Variants in AGXT2 observed in about 807,000 individuals in gnomAD.
AGXT2 encodes alanine--glyoxylate aminotransferase 2, mitochondrial.
A neutral mutation model predicts 62.5 loss-of-function variants in AGXT2; 61 were observed. That is an observed-to-expected ratio of 0.98 (90% confidence interval 0.79 to 1.21). The LOEUF is 1.21. AGXT2 is among the 50% of genes most tolerant of loss of function. The pLI is 0.00. For missense variants in AGXT2, 666 were observed against 641.5 expected, an observed-to-expected ratio of 1.04 and a Z score of -0.41; for synonymous variants, 243 against 218.7, an observed-to-expected ratio of 1.11 and a Z score of -0.98.
chr5:35,010,189 GT>G, intron 11 of AGXT2, 40 bp from the exon 12 acceptor site: 1 of 1,613,292 alleles, frequency 6.2e-7, no homozygotes. Context: ...CATGGCAGAA[GT>G]TCTAAGATTG....
chr5:35,041,223 C>CAAAA lies in AGXT2; in HGVS notation c.89-564_89-561dup, dbSNP rs3034208. Among the ~76,000 whole-genome samples the CAAAA allele has an allele frequency of 8.6e-3, 441 of 51,388 alleles. 25 individuals carry two copies. The highest frequency in any genetic ancestry group is 0.038 in the African/African-American group (417 of 11,102). 33.7% of individuals were successfully genotyped at this position (51,388 alleles called of 152,430 possible). On this transcript the variant is annotated intron_variant, in intron 1 of 13. Transcript: ENST00000231420. ...CCCAGAAGACAAAACCTCCCCCCGCCAAAAAAAAAAAAAAAAAAAGGCTGC... is the reference window on the plus strand; with the variant it reads ...CCCAGAAGACAAAACCTCCCCCCGCCAAAAAAAAAAAAAAAAAAAAAAAGGCTGC...
intron 10 of AGXT2, 45 bp downstream of exon 10, chr5:35,013,942 A>G (rs1335331079): frequency 3.1e-6 from 5 of 1,613,456 alleles, no homozygotes; most frequent in African/African-American, 2.7e-5. Flanking sequence ...CCATAGCCCA[A>G]TGTACGAGGC....
At position 35,006,568 on chromosome 5, in the gene AGXT2, C is replaced by T. The variant is rs375864104; in HGVS notation, c.1339-2707G>A. On this transcript the variant is annotated intron_variant, in intron 12 of 13. Transcript: ENST00000231420. ...AGATCTCAGATGAAGTCACTCGTCA[C>T]CAAGCCATTGATGAGGAATCCGCCC... Among the ~76,000 whole-genome samples, 31 of 152,210 alleles carry T rather than the reference C, an allele frequency of 2.0e-4. 1 individual carries two copies. In the South Asian group the frequency reaches 5.8e-3, roughly 28 times the overall value.
chr5:35,042,113 G>C (rs1768012204), intron 1 of AGXT2, among the ~76,000 whole-genome samples: 3 of 152,156 alleles, frequency 2.0e-5, no homozygotes, highest in Admixed American at 1.3e-4. Context: ...CAAAATTGGA[G>C]TTGCCCATTG....
At position 35,041,074 on chromosome 5, in the gene AGXT2, C is replaced by T. The variant is rs576890202; in HGVS notation, c.89-411G>A. On this transcript the variant is annotated intron_variant, in intron 1 of 13. Coordinates refer to ENST00000231420, the MANE Select transcript of AGXT2 (RefSeq NM_031900.4). ...TAGTGCCTGAATTCTAGTGTGTAGC[C>T]AGTGCCTGGTACCTGGTTAGCTCTC... Among the ~76,000 whole-genome samples, 3 of 151,954 alleles carry T rather than the reference C, an allele frequency of 2.0e-5. No individual in the cohort carries two copies. In the South Asian group the frequency reaches 6.2e-4, roughly 32 times the overall value.
rs138526600 is a variant in AGXT2 at position 35,039,338 on chromosome 5, A to T, written c.348T>A (p.Val116=). The change falls in exon 3 of 14, where the codon GTT becomes GTA. Residue 116 remains valine, a synonymous_variant. Coordinates refer to ENST00000231420, the MANE Select transcript of AGXT2 (RefSeq NM_031900.4). ...AGGATACTCACGGGTGGCAATGGCC[A>T]ACACTGACAGTAACAATCCCGGAAA... ...DFFSGIVTVS[V]GHCHPKVNAV... The T allele has an allele frequency of 4.9e-3, 7,919 of 1,614,092 alleles. 35 individuals carry two copies. Among genetic ancestry groups the T allele is most frequent in the Non-Finnish European group, 5.8e-3 (6,895 of 1,179,936 alleles).
chr5:35,027,629 C>T (rs372150302), intron 7 of AGXT2, among the ~76,000 whole-genome samples: 6 of 151,460 alleles, frequency 4.0e-5, no homozygotes, highest in Admixed American at 3.3e-4. Context: ...TTCTTGATTG[C>T]GGAGTTTTGT....
At chr5:35,022,823 A>G (rs1767164353) in intron 9 of AGXT2, among the ~76,000 whole-genome samples, 1 of 151,696 alleles carries the variant, frequency 6.6e-6, no homozygotes, top group South Asian at 2.1e-4. Context: ...ATATGCTATA[A>G]TATTAACCAA....
chr5:35,002,266 G>A (rs1297798741), intron 13 of AGXT2, among the ~76,000 whole-genome samples: 2 of 152,278 alleles, frequency 1.3e-5, no homozygotes, highest in Non-Finnish European at 2.9e-5. Flanking sequence ...TTGTTGTTTG[G>A]GCTGGGAGAA....
chr5:34,999,510 G>A (rs1254052498), intron 13 of AGXT2, among the ~76,000 whole-genome samples: 1 of 152,090 alleles, frequency 6.6e-6, no homozygotes, highest in Non-Finnish European at 1.5e-5. Flanking sequence ...TTTATTGAAT[G>A]GCTTTTTTCT....
chr5:35,040,826 A>G (rs1031123496), intron 1 of AGXT2, among the ~76,000 whole-genome samples, 163 bp from the exon 2 acceptor site: 17 of 152,228 alleles, frequency 1.1e-4, no homozygotes, highest in Non-Finnish European at 2.5e-4. Context: ...GAGTATCTCA[A>G]TAATGAGTTT....
At chr5:35,040,456 G>T in intron 2 of AGXT2, 119 bp downstream of exon 2, 2 of 900,574 alleles carry the variant, frequency 2.2e-6, no homozygotes, top group Non-Finnish European at 1.8e-6. Flanking sequence ...TACAATATCT[G>T]GAATGAGGTA....
At chr5:35,010,233 C>A in intron 11 of AGXT2, 84 bp from the exon 12 acceptor site, 2 of 1,540,602 alleles carry the variant, frequency 1.3e-6, no homozygotes, top group South Asian at 1.1e-5. Flanking sequence ...TTTGACATGG[C>A]CCTCTTGTAA....
chr5:35,029,200 C>T (rs1767474545), intron 7 of AGXT2, among the ~76,000 whole-genome samples: 2 of 152,116 alleles, frequency 1.3e-5, no homozygotes, highest in Non-Finnish European at 2.9e-5. Context: ...ATCTATGCCT[C>T]TAGAGACAGA....
intron 2 of AGXT2, among the ~76,000 whole-genome samples, 186 bp from the exon 3 acceptor site, chr5:35,039,694 G>GTGAA (rs1767910185): frequency 6.6e-6 from 1 of 152,198 alleles, no homozygotes; most frequent in African/African-American, 2.4e-5. Context: ...TCTTAAGGAG[G>GTGAA]TGAATTATTA....
intron 7 of AGXT2, among the ~76,000 whole-genome samples, chr5:35,030,181 CATAA>C (rs1183763826): frequency 6.6e-6 from 1 of 152,120 alleles, no homozygotes; most frequent in African/African-American, 2.4e-5. Flanking sequence ...TCAAAGATTC[CATAA>C]ATAGTCTTGT....
At chr5:35,005,216 T>C (rs531168875) in intron 12 of AGXT2, among the ~76,000 whole-genome samples, 40 of 152,194 alleles carry the variant, frequency 2.6e-4, no homozygotes, top group Non-Finnish European at 4.6e-4. Flanking sequence ...GGGTCAGTTC[T>C]TTTGTTGTTG....
Position 34,998,772 on chromosome 5 carries a change from C to G in AGXT2, c.1492G>C (p.Val498Leu). 6.2e-7 allele frequency: 1 copy of G among 1,613,864 alleles called. No individual in the cohort carries two copies. Among genetic ancestry groups the G allele is most frequent in the Non-Finnish European group, 8.5e-7 (1 of 1,179,944 alleles). The change falls in exon 14 of 14, where the codon GTA becomes CTA. Residue 498 changes from valine (V) to leucine (L), a missense_variant. By Grantham distance (32) the Val-to-Leu change is conservative. Coordinates refer to ENST00000231420, the MANE Select transcript of AGXT2 (RefSeq NM_031900.4). Reference sequence around the variant, plus strand: ...GTTAAGGCAGAACGAAATACTTCTACTGCAAAATCAACTTCTGGTTTAGTG... The same window carrying G: ...GTTAAGGCAGAACGAAATACTTCTAGTGCAAAATCAACTTCTGGTTTAGTG... ...CITKPEVDFA[V>L]EVFRSALTQH...
chr5:35,009,196 C>T (rs1766533332), intron 12 of AGXT2, among the ~76,000 whole-genome samples: 1 of 151,270 alleles, frequency 6.6e-6, no homozygotes, highest in East Asian at 1.9e-4. Flanking sequence ...GGGCAACATT[C>T]CTCCCTGGTT....
Sources: gnomAD v4.1 joint callset for allele counts (sites outside exome capture counted in the v4.1 genomes callset) on GRCh38, gnomAD v4.1.1 for gene constraint, MANE v1.5 for transcripts, NCBI Gene and HGNC (gene_info 2026-07-23, HGNC 2026-07-21) for gene names.